The following SLC37A1 variants were observed in gnomAD, a reference collection of about 807,000 sequenced individuals.
The protein encoded by SLC37A1 is glucose-6-phosphate exchanger SLC37A1.
A neutral mutation model predicts 75.3 loss-of-function variants in SLC37A1; 49 were observed. That is an observed-to-expected ratio of 0.65 (90% CI 0.52 to 0.83). SLC37A1 has a LOEUF of 0.83. SLC37A1 is among the 40% of genes least tolerant of loss of function. The pLI is 0.00. For synonymous variants in SLC37A1, 268 were observed against 292.1 expected, an observed-to-expected ratio of 0.92 and a Z score of 0.84; for missense variants, 566 against 695.0, an observed-to-expected ratio of 0.81 and a Z score of 2.09.
In SLC37A1 at chr21:42,562,105, C is replaced by T. The variant is rs766535336; in HGVS notation, c.1009C>T (p.Leu337=). ...CGTGATAGAGTTCTCACTGTGTCTG[C>T]TGTTTGCCAAGCTGGTCAGCTATAC... ...PGVIEFSLCL[L]FAKLVSYTFL... is the part of the protein sequence containing the mutation. The change falls in exon 12 of 20, where the codon CTG becomes TTG. Residue 337 remains leucine (L), a synonymous_variant. Coordinates refer to ENST00000352133, the MANE Select transcript of SLC37A1 (RefSeq NM_001320537.2). 5 of 1,614,120 alleles carry T rather than the reference C, an allele frequency of 3.1e-6. No individual in the cohort carries two copies. The highest frequency in any genetic ancestry group is 2.7e-5 in the African/African-American group (2 of 74,938).
intron 9 of SLC37A1, among the ~76,000 whole-genome samples, chr21:42,553,554 AT>A (rs2055606793): frequency 6.6e-6 from 1 of 152,210 alleles, no homozygotes; most frequent in South Asian, 2.1e-4. Context: ...TAATTTTGAA[AT>A]GATTTTGAGT....
Position 42,552,473 on chromosome 21 carries a change from G to A in SLC37A1, c.769-1589G>A, listed in dbSNP as rs927602028. Among the ~76,000 whole-genome samples the A allele has an allele frequency of 2.6e-5, 4 of 152,146 alleles. No individual in the cohort carries two copies. The highest frequency in any genetic ancestry group is 4.8e-5 in the African/African-American group (2 of 41,430). On this transcript the variant is annotated intron_variant, in intron 9 of 19. Coordinates refer to ENST00000352133, the MANE Select transcript of SLC37A1 (RefSeq NM_001320537.2). This position sits in a 1 kb window ranked among gnomAD's most constrained non-coding sequence, Gnocchi z 4.2. ...GGACACAGACTCCTCTTGTCTTTTCGTTCTTCCCCTGTGCATGGCTTCATG... is the reference window on the plus strand; with the variant it reads ...GGACACAGACTCCTCTTGTCTTTTCATTCTTCCCCTGTGCATGGCTTCATG...
At chr21:42,533,040 T>C (rs543857102) in intron 3 of SLC37A1, among the ~76,000 whole-genome samples, 6 of 152,176 alleles carry the variant, frequency 3.9e-5, no homozygotes, top group Non-Finnish European at 7.4e-5. Context: ...CTAGCTCCGA[T>C]TCAAAAGCCC....
intron 9 of SLC37A1, among the ~76,000 whole-genome samples, chr21:42,550,761 A>G (rs1235167183): frequency 1.3e-5 from 2 of 152,256 alleles, no homozygotes. Context: ...CCAGGAATAC[A>G]CAGCTGGCTT....
intron 2 of SLC37A1, among the ~76,000 whole-genome samples, chr21:42,521,485 C>T (rs1305804655): frequency 6.6e-6 from 1 of 152,226 alleles, no homozygotes; most frequent in African/African-American, 2.4e-5. Context: ...TTTCTTTATT[C>T]CTTATTTGCA....
intron 1 of SLC37A1, among the ~76,000 whole-genome samples, chr21:42,502,084 T>C (rs546434416): frequency 9.8e-5 from 15 of 152,380 alleles, no homozygotes; most frequent in African/African-American, 3.4e-4. Flanking sequence ...AAATGTAACG[T>C]GTATATTTAG....
Position 42,563,805 on chromosome 21 carries a change from A to G in SLC37A1, c.1073-10A>G, listed in dbSNP as rs770851633. ...CCTCACTGTTTCACACTCCGTTGTC[A>G]TTTCAATAGATCACCTTGATGCCAA... On this transcript the variant is annotated splice_polypyrimidine_tract_variant and intron_variant, in intron 12 of 19. Coordinates refer to ENST00000352133, the MANE Select transcript of SLC37A1 (RefSeq NM_001320537.2). 1 of 1,614,096 alleles carries G rather than the reference A, an allele frequency of 6.2e-7. No individual in the cohort carries two copies. The highest frequency in any genetic ancestry group is 1.7e-4 in the Middle Eastern group (1 of 6,044).
intron 9 of SLC37A1, among the ~76,000 whole-genome samples, chr21:42,551,436 A>C (rs748245686): frequency 1.3e-5 from 2 of 152,208 alleles, no homozygotes. Context: ...AGTGGTTGTC[A>C]GGGACTAGGG....
chr21:42,512,637 G>A (rs2054448214), upstream of SLC37A1, among the ~76,000 whole-genome samples: 1 of 152,246 alleles, frequency 6.6e-6, no homozygotes, highest in African/African-American at 2.4e-5. Flanking sequence ...AGAAAACCTG[G>A]CCAAAAGGAG....
Position 42,559,284 on chromosome 21 carries a change from C to T in SLC37A1, c.981+195C>T, listed in dbSNP as rs535369767. 3.3e-4 allele frequency among the ~76,000 whole-genome samples: 51 copies of T among 152,304 alleles called. 1 individual carries two copies. Among genetic ancestry groups the T allele is most frequent in the African/African-American group, 1.1e-3 (44 of 41,554 alleles). ...TGGCTGCAGTGATATTTGTTCGCCTCATACCATGTTTAAATTTTTTTTGAA... is the reference window on the plus strand; with the variant it reads ...TGGCTGCAGTGATATTTGTTCGCCTTATACCATGTTTAAATTTTTTTTGAA... On this transcript the variant is annotated intron_variant, in intron 11 of 19. Transcript: ENST00000352133.
rs143310994 is a variant in SLC37A1 at position 42,559,049 on chromosome 21, G to A, written c.941G>A (p.Gly314Asp). 130 of 1,613,324 alleles carry A rather than the reference G, an allele frequency of 8.1e-5. No homozygotes were observed. In the African/African-American group the frequency reaches 1.5e-3, roughly 18 times the overall value. The change falls in exon 11 of 20, where the codon GGC becomes GAC. Residue 314 changes from glycine (G) to aspartate (D), a missense_variant. Coordinates refer to ENST00000352133, the MANE Select transcript of SLC37A1 (RefSeq NM_001320537.2). ...VVILPGDGGS[G>D]TAAISFTGAL... The stretch of plus-strand genomic sequence containing the variant: ...ATTCTCCCCGGGGACGGTGGGAGTG[G>A]CACGGCCGCCATCAGCTTCACAGGG...
intron 4 of SLC37A1, among the ~76,000 whole-genome samples, 200 bp downstream of exon 4, chr21:42,535,030 C>A (rs1468718017): frequency 6.6e-6 from 1 of 152,236 alleles, no homozygotes; most frequent in Non-Finnish European, 1.5e-5. Context: ...AAAGAAGGTT[C>A]TCTTTATGGG....
At chr21:42,553,214 A>T (rs1388653591) in intron 9 of SLC37A1, among the ~76,000 whole-genome samples, 1 of 152,180 alleles carries the variant, frequency 6.6e-6, no homozygotes, top group Non-Finnish European at 1.5e-5. Context: ...TCTCAAATGC[A>T]TCCAGCACTA....
intron 3 of SLC37A1, among the ~76,000 whole-genome samples, chr21:42,529,423 G>A (rs906153902): frequency 2.6e-5 from 4 of 151,898 alleles, no homozygotes; most frequent in Non-Finnish European, 4.4e-5. Context: ...GCATGGTGGC[G>A]GGCACCTGTA....
chr21:42,532,412 T>A (rs893083166), intron 3 of SLC37A1, among the ~76,000 whole-genome samples: 1 of 152,238 alleles, frequency 6.6e-6, no homozygotes, highest in African/African-American at 2.4e-5. Context: ...TGATTCTCCC[T>A]CAGCCGGGGA....
At chr21:42,544,225 C>T (rs1436084569) in intron 8 of SLC37A1, among the ~76,000 whole-genome samples, 3 of 152,134 alleles carry the variant, frequency 2.0e-5, no homozygotes, top group Admixed American at 6.5e-5. Flanking sequence ...GCTCGAATCC[C>T]GCAAGCCATT....
At chr21:42,549,719 C>A (rs1211461387) in intron 9 of SLC37A1, among the ~76,000 whole-genome samples, 1 of 152,118 alleles carries the variant, frequency 6.6e-6, no homozygotes, top group African/African-American at 2.4e-5. Flanking sequence ...TAGTATCTTC[C>A]CTTTATCACA....
chr21:42,569,234 C>G (rs59175335), intron 17 of SLC37A1, among the ~76,000 whole-genome samples: 1 of 152,192 alleles, frequency 6.6e-6, no homozygotes, highest in Admixed American at 6.5e-5. Context: ...TCAGCCAGAA[C>G]CTGGTGCTGG....
chr21:42,554,778 C>T (rs2055641757), intron 10 of SLC37A1, among the ~76,000 whole-genome samples: 1 of 152,198 alleles, frequency 6.6e-6, no homozygotes, highest in East Asian at 1.9e-4. Flanking sequence ...AGGGAGGCCT[C>T]AGTGCAGGTC....
Sources: allele counts gnomAD v4.1 joint callset (sites outside exome capture counted in the v4.1 genomes callset), GRCh38; gene constraint gnomAD v4.1.1; non-coding constraint Gnocchi (gnomAD v3.1); transcripts MANE v1.5; gene names NCBI Gene and HGNC (gene_info 2026-07-23, HGNC 2026-07-21).